Variants in SSX2IP observed in about 807,000 individuals in gnomAD.
The protein encoded by SSX2IP is afadin- and alpha-actinin-binding protein.
SSX2IP carries 55 observed loss-of-function variants against 84.9 expected under a neutral mutation model. That is an observed-to-expected ratio of 0.65 (90% CI 0.52 to 0.81). The LOEUF is 0.81. SSX2IP is among the 30% of genes least tolerant of loss of function. The pLI, the probability that SSX2IP is intolerant of heterozygous loss-of-function variation, is 0.00. For synonymous variants in SSX2IP, 239 were observed against 234.7 expected, an observed-to-expected ratio of 1.02 and a Z score of -0.17; for missense variants, 664 against 705.2, an observed-to-expected ratio of 0.94 and a Z score of 0.66.
chr1:84,682,625 C>T (rs1037221254), intron 1 of SSX2IP, among the ~76,000 whole-genome samples: 3 of 151,874 alleles, frequency 2.0e-5, no homozygotes, highest in Non-Finnish European at 4.4e-5. Context: ...CTGCCTTGAC[C>T]TCCCGAGTAG....
intron 1 of SSX2IP, among the ~76,000 whole-genome samples, chr1:84,689,618 C>T (rs1337573688): frequency 6.6e-6 from 1 of 152,154 alleles, no homozygotes; most frequent in East Asian, 1.9e-4. Flanking sequence ...CTAAAAATTC[C>T]TACATTATAC....
rs551235833 is a variant in SSX2IP at position 84,662,671 on chromosome 1, G to A, written c.674-141C>T. On this transcript the variant is annotated intron_variant, in intron 6 of 13. Transcript: ENST00000342203. The stretch of plus-strand genomic sequence containing the variant: ...TGGGCTTAAACAGCCTAATTTTCGA[G>A]TTTCTAGTTCCACCACTTGTAAGCA... 253 of 734,644 alleles carry A rather than the reference G, an allele frequency of 3.4e-4. 1 individual carries two copies. The highest frequency in any genetic ancestry group is 4.8e-4 in the Non-Finnish European group (220 of 457,096). The allele number at this position is 734,644 out of a possible 1,614,324, so 45.5% of individuals were successfully genotyped here.
In SSX2IP at chr1:84,656,402, C is replaced by A. The variant is rs771883431; in HGVS notation, c.1161G>T (p.Glu387Asp). 3.7e-6 allele frequency: 6 copies of A among 1,613,466 alleles called. No individual in the cohort carries two copies. In the Admixed American group the frequency reaches 6.7e-5, roughly 18 times the overall value. Residue 387 changes from glutamate (E) to aspartate (D), a missense_variant, in exon 10 of 14, where the codon GAG (glutamate) becomes GAT (aspartate). Transcript: ENST00000342203. Reference protein sequence around the residue: ...QDHEQETEKLELEIQQCKEMI... With the variant: ...QDHEQETEKLDLEIQQCKEMI... ...TTTCTTTACACTGCTGAATTTCTAA[C>A]TCGAGTTTTTCAGTTTCTTGTTCAT...
intron 13 of SSX2IP, chr1:84,649,999 C>T: frequency 1.6e-6 from 1 of 625,266 alleles, no homozygotes; most frequent in Non-Finnish European, 3.0e-6. Context: ...AAGATATGTA[C>T]TCTACAAAAA....
chr1:84,676,512 T>C (rs1162135790), intron 1 of SSX2IP, among the ~76,000 whole-genome samples: 2 of 152,168 alleles, frequency 1.3e-5, no homozygotes, highest in Non-Finnish European at 2.9e-5. Context: ...AGGTATAAAA[T>C]AAGAAAGGGA....
rs1409424060 is a variant in SSX2IP, at chr1:84,656,011, A to C, written c.1216-6T>G. ...TATGCAGTAGCGAGCTGCTGCTATT[A>C]AAATTTAAAACATAGTAAGTTCCTG... On this transcript the variant is annotated splice_region_variant and splice_polypyrimidine_tract_variant and intron_variant, in intron 10 of 13. Coordinates refer to ENST00000342203, the MANE Select transcript of SSX2IP (RefSeq NM_001166293.2). 99 of 1,604,608 alleles carry C rather than the reference A, an allele frequency of 6.2e-5. No homozygotes were observed. Among genetic ancestry groups the C allele is most frequent in the Middle Eastern group, 3.3e-4 (2 of 5,984 alleles).
chr1:84,659,796 C>CAAAA (rs35920871), intron 8 of SSX2IP, among the ~76,000 whole-genome samples: 1 of 128,718 alleles, frequency 7.8e-6, no homozygotes. Flanking sequence ...GACTCCATCT[C>CAAAA]AAAAAAAAAA....
rs78065900 is a variant in SSX2IP at position 84,646,488 on chromosome 1, G to A, written c.*945C>T. The A allele has an allele frequency of 0.012, 1,760 of 152,494 alleles. 15 individuals are homozygous for A. Among genetic ancestry groups the A allele is most frequent in the Middle Eastern group, 0.028 (8 of 290 alleles). 9.4% of individuals were successfully genotyped at this position (152,494 alleles called of 1,614,324 possible). A position where few individuals can be genotyped will look rare whatever the true frequency, so the allele number is the denominator to read the frequency against. On this transcript the variant is annotated 3_prime_UTR_variant, in exon 14 of 14. Transcript: ENST00000342203. Reference sequence around the variant, plus strand: ...AATACAAAGCCCTAGTTAGTATACAGATATTACTATACTGGTACCCATCTT... The same window carrying A: ...AATACAAAGCCCTAGTTAGTATACAAATATTACTATACTGGTACCCATCTT...
intron 1 of SSX2IP, among the ~76,000 whole-genome samples, chr1:84,673,678 A>G (rs1050249279): frequency 6.6e-6 from 1 of 152,226 alleles, no homozygotes; most frequent in Non-Finnish European, 1.5e-5. Flanking sequence ...CAGTGGAAGC[A>G]GAAACAGGCA....
At chr1:84,667,454 T>C (rs1401405389) in intron 4 of SSX2IP, among the ~76,000 whole-genome samples, 2 of 152,098 alleles carry the variant, frequency 1.3e-5, no homozygotes, top group African/African-American at 4.8e-5. Context: ...CTAACAGGCA[T>C]CTTTATCACC....
intron 1 of SSX2IP, among the ~76,000 whole-genome samples, chr1:84,684,164 G>A (rs1253811345): frequency 6.6e-6 from 1 of 152,124 alleles, no homozygotes; most frequent in Non-Finnish European, 1.5e-5. Flanking sequence ...GGTTATAGTT[G>A]TCAACGTGTG....
Position 84,647,362 on chromosome 1 carries a change from G to C in SSX2IP, c.*71C>G, listed in dbSNP as rs892637614. 4 of 1,365,098 alleles carry C rather than the reference G, an allele frequency of 2.9e-6. No individual in the cohort carries two copies. In the East Asian group the frequency reaches 1.0e-4, roughly 34 times the overall value. The allele number at this position is 1,365,098 out of a possible 1,614,324, so 84.6% of individuals were successfully genotyped here. ...AGTTATTAGAGATAACTGACTTTAT[G>C]ACACACCCTGTTTCAACTTAGATGT... On this transcript the variant is annotated 3_prime_UTR_variant, in exon 14 of 14. Transcript: ENST00000342203.
Position 84,651,531 on chromosome 1 carries a change from C to T in SSX2IP, c.1504+352G>A, listed in dbSNP as rs529980757. 3.9e-5 allele frequency among the ~76,000 whole-genome samples: 6 copies of T among 152,136 alleles called. No homozygotes were observed. The South Asian group carries it at 6.2e-4, about 16-fold the overall frequency. On this transcript the variant is annotated intron_variant, in intron 12 of 13. Transcript: ENST00000342203. ...TCACCTGAGGTCAGGAGTTCAAGAA[C>T]AGCCTGGCCAATATGGTAAAAACCC...
intron 1 of SSX2IP, among the ~76,000 whole-genome samples, chr1:84,686,100 C>T (rs1435031658): frequency 3.3e-5 from 5 of 152,128 alleles, no homozygotes; most frequent in African/African-American, 1.2e-4. Context: ...AGCACCGTGG[C>T]ACAAAAATAT....
chr1:84,657,961 C>T (rs1651371399), intron 9 of SSX2IP, among the ~76,000 whole-genome samples: 3 of 151,988 alleles, frequency 2.0e-5, no homozygotes, highest in Admixed American at 2.0e-4. Flanking sequence ...CAGCAAAACC[C>T]CATCTCTACT....
intron 1 of SSX2IP, among the ~76,000 whole-genome samples, chr1:84,689,197 T>C (rs995905165): frequency 2.6e-5 from 4 of 152,220 alleles, no homozygotes; most frequent in Non-Finnish European, 5.9e-5. Flanking sequence ...ACGTGAACTT[T>C]AAAGGCATTT....
At chr1:84,665,721 C>T (rs1056974007) in intron 5 of SSX2IP, among the ~76,000 whole-genome samples, 4 of 152,084 alleles carry the variant, frequency 2.6e-5, no homozygotes, top group Admixed American at 1.3e-4. Flanking sequence ...GTTGACTAGA[C>T]GAACAATGTC....
At chr1:84,671,374 G>T in intron 1 of SSX2IP, 66 bp from the exon 2 acceptor site, 1 of 1,327,264 alleles carries the variant, frequency 7.5e-7, no homozygotes, top group Non-Finnish European at 9.8e-7. Context: ...TAAACCCAAT[G>T]CTTAAGAATT....
chr1:84,660,895 CAAAAAA>C (rs11362631), intron 8 of SSX2IP, among the ~76,000 whole-genome samples: 12 of 98,050 alleles, frequency 1.2e-4, no homozygotes, highest in East Asian at 3.0e-4. Flanking sequence ...TACTAAAATA[CAAAAAA>C]AAAAAAAAAA....
Sources: allele counts gnomAD v4.1 joint callset (sites outside exome capture counted in the v4.1 genomes callset), GRCh38; gene constraint gnomAD v4.1.1; transcripts MANE v1.5; gene names NCBI Gene and HGNC (gene_info 2026-07-23, HGNC 2026-07-21).